The following ADGB variants were observed in gnomAD, a reference collection of about 807,000 sequenced individuals.
ADGB encodes androglobin, also known as calpain-7-like protein.
A neutral mutation model predicts 210.5 loss-of-function variants in ADGB; 172 were observed. The observed-to-expected ratio is 0.82, with a 90% CI of 0.72 to 0.93. The LOEUF (loss-of-function observed/expected upper bound fraction) is 0.93, where lower values mean the gene tolerates loss of function less well. ADGB is among the 40% of genes least tolerant of loss of function. ADGB has a pLI of 0.00. For synonymous variants in ADGB, 658 were observed against 662.7 expected, an observed-to-expected ratio of 0.99 and a Z score of 0.11; for missense variants, 2,025 against 1,964.8, an observed-to-expected ratio of 1.03 and a Z score of -0.58.
At position 146,785,639 on chromosome 6, in the gene ADGB, C is replaced by T. The variant is rs921428077; in HGVS notation, c.4242C>T (p.Ser1414=). 2.6e-5 allele frequency: 40 copies of T among 1,550,794 alleles called. No individual in the cohort carries two copies. Among genetic ancestry groups the T allele is most frequent in the Non-Finnish European group, 3.1e-5 (36 of 1,146,484 alleles). ...CTCAGGCTCGTTTGCATTACCTTAG[C>T]GGGTTCATTAAGAAAACATCTGATG... ...KASQARLHYL[S]GFIKKTSDAE... Residue 1414 remains serine, a synonymous_variant, in exon 32 of 36, where the codon AGC becomes AGT. Coordinates refer to ENST00000397944, the MANE Select transcript of ADGB (RefSeq NM_024694.4).
intron 1 of ADGB, among the ~76,000 whole-genome samples, chr6:146,619,943 T>A (rs953494048): frequency 6.6e-6 from 1 of 152,132 alleles, no homozygotes; most frequent in African/African-American, 2.4e-5. Flanking sequence ...TCTTTTGGTA[T>A]TTCGTGTAAG....
chr6:146,770,810 A>G (rs1462755602), intron 29 of ADGB, among the ~76,000 whole-genome samples: 1 of 152,176 alleles, frequency 6.6e-6, no homozygotes, highest in Non-Finnish European at 1.5e-5. Flanking sequence ...AGAGCAGACA[A>G]TGGGGTGTTC....
At chr6:146,661,220 C>CTTTTTTTTTTTTTTTTTTTTTTTT (rs5880682) in intron 5 of ADGB, among the ~76,000 whole-genome samples, 30 of 116,050 alleles carry the variant, frequency 2.6e-4, no homozygotes, top group East Asian at 5.0e-4. Flanking sequence ...TTCTTTTTTT[C>CTTTTTTTTTTTTTTTTTTTTTTTT]TTTTTTTTTT....
At chr6:146,756,274 C>A (rs1404297996) in intron 27 of ADGB, among the ~76,000 whole-genome samples, 1 of 152,086 alleles carries the variant, frequency 6.6e-6, no homozygotes, top group Non-Finnish European at 1.5e-5. Flanking sequence ...TAATACAAAT[C>A]CTTCCTACCA....
chr6:146,706,348 C>A (rs978611710), intron 13 of ADGB, among the ~76,000 whole-genome samples: 9 of 151,966 alleles, frequency 5.9e-5, no homozygotes, highest in Admixed American at 5.9e-4. Context: ...CAACCTCTGC[C>A]TCCCAGGTTC....
In ADGB at chr6:146,769,006, A is replaced by G. The variant is rs776786392; in HGVS notation, c.3751-14A>G. Reference sequence around the variant, plus strand: ...TGTTCTTATCATTTTTAAACACTGCATTTTATTTCACAGAATTACAAGTAT... The same window carrying G: ...TGTTCTTATCATTTTTAAACACTGCGTTTTATTTCACAGAATTACAAGTAT... On this transcript the variant is annotated splice_polypyrimidine_tract_variant and intron_variant, in intron 28 of 35. Transcript: ENST00000397944. The G allele has an allele frequency of 1.5e-6, 2 of 1,376,208 alleles. No individual in the cohort carries two copies. Among genetic ancestry groups the G allele is most frequent in the South Asian group, 1.4e-5 (1 of 69,872 alleles). 85.2% of individuals were successfully genotyped at this position (1,376,208 alleles called of 1,614,324 possible).
At chr6:146,808,246 C>T (rs62434398) in intron 35 of ADGB, among the ~76,000 whole-genome samples, 5,562 of 152,200 alleles carry the variant, frequency 0.037, 131 homozygotes, top group Non-Finnish European at 0.052. Context: ...GTGATCTGCG[C>T]GCATCGGCCT....
intron 33 of ADGB, among the ~76,000 whole-genome samples, chr6:146,789,879 C>G (rs1777930109): frequency 6.6e-6 from 1 of 152,112 alleles, no homozygotes; most frequent in Admixed American, 6.6e-5. Context: ...GGACTTACAC[C>G]CAGCTCTTTG....
At chr6:146,729,533 C>T (rs1445871769) in intron 20 of ADGB, among the ~76,000 whole-genome samples, 2 of 151,312 alleles carry the variant, frequency 1.3e-5, no homozygotes, top group Non-Finnish European at 2.9e-5. Flanking sequence ...CTCCTGGGCT[C>T]AAGTGATCCT....
chr6:146,644,706 T>A, intron 2 of ADGB, 67 bp from the exon 3 acceptor site: 1 of 1,011,252 alleles, frequency 9.9e-7, no homozygotes, highest in Non-Finnish European at 1.4e-6. Context: ...TATTTCTTTT[T>A]TATTAAAATT....
chr6:146,619,334 T>A (rs1041873676), intron 1 of ADGB, among the ~76,000 whole-genome samples: 5 of 152,092 alleles, frequency 3.3e-5, no homozygotes, highest in African/African-American at 1.2e-4. Flanking sequence ...GCCACTCTAT[T>A]TTTTAATAGG....
chr6:146,773,891 A>C (rs1777688319), intron 29 of ADGB, among the ~76,000 whole-genome samples: 1 of 152,166 alleles, frequency 6.6e-6, no homozygotes, highest in South Asian at 2.1e-4. Context: ...TCTTCCCAAT[A>C]AACTTATGAG....
intron 12 of ADGB, among the ~76,000 whole-genome samples, chr6:146,695,412 A>G (rs1184660362): frequency 6.6e-6 from 1 of 152,144 alleles, no homozygotes; most frequent in Non-Finnish European, 1.5e-5. Context: ...CTACACTGTA[A>G]CAATTGGATA....
In ADGB at chr6:146,730,792, A is replaced by G. The variant is rs561638162; in HGVS notation, c.2520+2051A>G. On this transcript the variant is annotated intron_variant, in intron 20 of 35. Coordinates refer to ENST00000397944, the MANE Select transcript of ADGB (RefSeq NM_024694.4). ...CATCTCTACTAAAGATAGAAAAATT[A>G]GCCAGGTGTGGTGGTGGGCACCTGT... 3.9e-5 allele frequency among the ~76,000 whole-genome samples: 6 copies of G among 152,302 alleles called. No individual in the cohort carries two copies. In the South Asian group the frequency reaches 1.2e-3, roughly 32 times the overall value.
chr6:146,772,739 A>G (rs867769482), intron 29 of ADGB, among the ~76,000 whole-genome samples: 5 of 151,288 alleles, frequency 3.3e-5, no homozygotes, highest in South Asian at 2.1e-4. Flanking sequence ...ATTTGGTTTC[A>G]GTACTTATAT....
intron 33 of ADGB, among the ~76,000 whole-genome samples, chr6:146,795,898 G>A (rs1053400691): frequency 6.6e-6 from 1 of 152,056 alleles, no homozygotes; most frequent in Non-Finnish European, 1.5e-5. Flanking sequence ...TATGCACCAT[G>A]GAAGTCAAAC....
At position 146,696,490 on chromosome 6, in the gene ADGB, G is replaced by T. The variant is rs1294720156; in HGVS notation, c.1577+3575G>T. On this transcript the variant is annotated intron_variant, in intron 12 of 35. Transcript: ENST00000397944. ...ATTAAATGAGCCCCCTTATTCCAAG[G>T]ATATTTAAATAAAGTATTGAGGGGA... Among the ~76,000 whole-genome samples the T allele has an allele frequency of 2.0e-5, 3 of 149,444 alleles. No homozygotes were observed. The East Asian group carries it at 5.8e-4, about 29-fold the overall frequency.
At chr6:146,620,864 A>G (rs547929104) in intron 1 of ADGB, among the ~76,000 whole-genome samples, 59 of 151,812 alleles carry the variant, frequency 3.9e-4, no homozygotes, top group African/African-American at 1.4e-3. Context: ...AGTTTTCGCA[A>G]CTCTTATGTT....
At chr6:146,803,316 G>A in intron 35 of ADGB, 1 of 1,608,134 alleles carries the variant, frequency 6.2e-7, no homozygotes, top group Non-Finnish European at 8.5e-7. Flanking sequence ...TTCTGTCTGT[G>A]AAGAACCAGA....
Sources: gnomAD v4.1 joint callset for allele counts (sites outside exome capture counted in the v4.1 genomes callset) on GRCh38, gnomAD v4.1.1 for gene constraint, MANE v1.5 for transcripts, NCBI Gene and HGNC (gene_info 2026-07-23, HGNC 2026-07-21) for gene names.